The following BTRC variants were observed in gnomAD, a reference collection of about 807,000 sequenced individuals.
BTRC encodes F-box/WD repeat-containing protein 1A.
A neutral mutation model predicts 85.5 loss-of-function variants in BTRC; 42 were observed. The observed-to-expected ratio is 0.49, with a 90% CI of 0.38 to 0.64. BTRC has a LOEUF of 0.64. Among genes scored for constraint, BTRC ranks in the 30% least tolerant of loss-of-function variants. The pLI, the probability that BTRC is intolerant of heterozygous loss-of-function variation, is 0.00. For synonymous variants in BTRC, 255 were observed against 263.3 expected, an observed-to-expected ratio of 0.97 and a Z score of 0.30; for missense variants, 594 against 743.5, an observed-to-expected ratio of 0.80 and a Z score of 2.34.
intron 3 of BTRC, among the ~76,000 whole-genome samples, chr10:101,470,392 A>G (rs148303736): frequency 0.07 from 9,913 of 140,648 alleles, 350 homozygotes; most frequent in African/African-American, 0.076. Flanking sequence ...GAGTGCAGTG[A>G]CACAATCTCG....
intron 1 of BTRC, among the ~76,000 whole-genome samples, chr10:101,389,109 TTTTG>T: frequency 1.1e-5 from 1 of 91,934 alleles, no homozygotes; most frequent in Non-Finnish European, 2.1e-5. Context: ...AATTGTGATT[TTTTG>T]TGTGTGTTTT....
chr10:101,399,206 C>T (rs1247549980), intron 1 of BTRC, among the ~76,000 whole-genome samples: 1 of 151,914 alleles, frequency 6.6e-6, no homozygotes, highest in Non-Finnish European at 1.5e-5. Flanking sequence ...CCACCCACCT[C>T]GGCCTCCCAA....
chr10:101,534,939 A>G (rs1350171692), intron 10 of BTRC, 29 bp downstream of exon 10: 2 of 1,599,126 alleles, frequency 1.3e-6, no homozygotes, highest in Non-Finnish European at 1.7e-6. Context: ...GTAAGTTTCC[A>G]ACTTAGAATG....
intron 3 of BTRC, among the ~76,000 whole-genome samples, chr10:101,462,762 G>A (rs956214192): frequency 1.3e-5 from 2 of 151,872 alleles, no homozygotes; most frequent in Admixed American, 6.6e-5. Flanking sequence ...ATACCATTGT[G>A]TTCTTGTAAA....
intron 1 of BTRC, among the ~76,000 whole-genome samples, chr10:101,356,116 C>T (rs1389714751): frequency 1.3e-5 from 2 of 152,196 alleles, no homozygotes; most frequent in African/African-American, 4.8e-5. Context: ...GATTCTCCTG[C>T]CTCAGCCTCC....
rs1455145583 is a variant in BTRC at position 101,538,190 on chromosome 10, A to G, written c.1578-103A>G. 10 of 949,770 alleles carry G rather than the reference A, an allele frequency of 1.1e-5. No homozygotes were observed. The East Asian group carries it at 1.7e-4, about 16-fold the overall frequency. 58.8% of individuals were successfully genotyped at this position (949,770 alleles called of 1,614,324 possible). A position where few individuals can be genotyped will look rare whatever the true frequency, so the allele number is the denominator to read the frequency against. ...TAGGTTAATCACGTACATTTGAACT[A>G]TACTCACCATCCATATTTATTGCCA... is the stretch of plus-strand genomic sequence containing the variant. On this transcript the variant is annotated intron_variant, in intron 12 of 14. Coordinates refer to ENST00000370187, the MANE Select transcript of BTRC (RefSeq NM_033637.4).
At chr10:101,510,207 C>A (rs1269096058) in intron 4 of BTRC, among the ~76,000 whole-genome samples, 1 of 150,288 alleles carries the variant, frequency 6.7e-6, no homozygotes, top group African/African-American at 2.4e-5. Context: ...GGAAAAAGAT[C>A]TTTTAAAGTC....
intron 3 of BTRC, among the ~76,000 whole-genome samples, chr10:101,465,228 A>C (rs894372721): frequency 1.3e-5 from 2 of 152,202 alleles, no homozygotes; most frequent in African/African-American, 4.8e-5. Flanking sequence ...TCTTTTGCAG[A>C]TATTTCTAAT....
chr10:101,398,777 T>C (rs1281605173), intron 1 of BTRC, among the ~76,000 whole-genome samples: 2 of 152,184 alleles, frequency 1.3e-5, no homozygotes, highest in Non-Finnish European at 2.9e-5. Flanking sequence ...AGAAATAATA[T>C]TGACCATAGG....
At chr10:101,418,494 G>T (rs1193887504) in intron 1 of BTRC, among the ~76,000 whole-genome samples, 1 of 128,406 alleles carries the variant, frequency 7.8e-6, no homozygotes, top group African/African-American at 2.5e-5. Context: ...ATAGAAAAAT[G>T]AATACTTAAT....
intron 4 of BTRC, among the ~76,000 whole-genome samples, chr10:101,501,687 C>T (rs1442998299): frequency 1.3e-5 from 2 of 152,122 alleles, no homozygotes; most frequent in Non-Finnish European, 2.9e-5. Context: ...TGAACTTAAA[C>T]CACTCCCAGG....
chr10:101,469,210 A>G (rs1207961329), intron 3 of BTRC, among the ~76,000 whole-genome samples: 1 of 152,222 alleles, frequency 6.6e-6, no homozygotes, highest in Non-Finnish European at 1.5e-5. Flanking sequence ...TTCAAACTGG[A>G]GAGAGTCTTA....
chr10:101,528,451 A>C lies in BTRC; in HGVS notation c.743+2252A>C, dbSNP rs140642584. 6.8e-3 allele frequency among the ~76,000 whole-genome samples: 1,041 copies of C among 152,246 alleles called. 8 individuals carry two copies. Among genetic ancestry groups the C allele is most frequent in the Non-Finnish European group, 9.2e-3 (627 of 67,988 alleles). On this transcript the variant is annotated intron_variant, in intron 6 of 14. Coordinates refer to ENST00000370187, the MANE Select transcript of BTRC (RefSeq NM_033637.4). ...GTGAAGTAATCCAGGATCCAGCACT[A>C]ATTACCACTTTTTTCCCCTATCTCT...
chr10:101,506,249 A>G (rs978142097), intron 4 of BTRC, among the ~76,000 whole-genome samples: 1 of 152,116 alleles, frequency 6.6e-6, no homozygotes, highest in Non-Finnish European at 1.5e-5. Context: ...TTACCTTTCA[A>G]AATGGGTGGC....
chr10:101,519,593 A>G (rs1460421239), intron 4 of BTRC, among the ~76,000 whole-genome samples: 1 of 152,196 alleles, frequency 6.6e-6, no homozygotes, highest in Non-Finnish European at 1.5e-5. Context: ...CACCTGAGTA[A>G]TCTCCTTATC....
chr10:101,461,896 A>G, intron 2 of BTRC, 85 bp from the exon 3 acceptor site: 1 of 979,176 alleles, frequency 1.0e-6, no homozygotes, highest in Non-Finnish European at 1.6e-6. Context: ...TCTAACTTAC[A>G]GAATTAGAAA....
chr10:101,483,702 C>G (rs1479381462), intron 4 of BTRC, among the ~76,000 whole-genome samples: 1 of 152,036 alleles, frequency 6.6e-6, no homozygotes, highest in Admixed American at 6.5e-5. Context: ...ATTCTTTCTC[C>G]TGGTTATGGC....
chr10:101,532,793 C>CAT (rs1564831033), intron 8 of BTRC, among the ~76,000 whole-genome samples, 159 bp from the exon 9 acceptor site: 11 of 50,574 alleles, frequency 2.2e-4, no homozygotes, highest in African/African-American at 8.5e-4. Flanking sequence ...TGTGTGTGCG[C>CAT]GTGTGCGCGC....
intron 13 of BTRC, among the ~76,000 whole-genome samples, chr10:101,544,453 A>G (rs1482958679): frequency 3.4e-5 from 5 of 148,626 alleles, no homozygotes; most frequent in Non-Finnish European, 3.0e-5. Context: ...TCTATATCCC[A>G]GGCTGGAATG....
Sources: gnomAD v4.1 joint callset for allele counts (sites outside exome capture counted in the v4.1 genomes callset) on GRCh38, gnomAD v4.1.1 for gene constraint, MANE v1.5 for transcripts, NCBI Gene and HGNC (gene_info 2026-07-23, HGNC 2026-07-21) for gene names.